PRDM16: variants seen among roughly 807,000 people sequenced by gnomAD.
PRDM16 encodes PR/SET domain 16.
In PRDM16, 23 loss-of-function variants were observed where a neutral mutation model predicts 110.6. The observed-to-expected ratio is 0.21, with a 90% CI of 0.15 to 0.29. The LOEUF (loss-of-function observed/expected upper bound fraction) is 0.29, where lower values mean the gene tolerates loss of function less well. Among genes scored for constraint, PRDM16 ranks in the 10% least tolerant of loss-of-function variants. PRDM16 has a pLI of 1.00. For synonymous variants in PRDM16, 799 were observed against 781.8 expected (o/e 1.02, Z -0.37); for missense variants, 1,615 against 1,794.3 (o/e 0.90, Z 1.81).
intron 1 of PRDM16, among the ~76,000 whole-genome samples, chr1:3,177,739 C>T (rs1644106143): frequency 6.6e-6 from 1 of 152,250 alleles, no homozygotes; most frequent in Non-Finnish European, 1.5e-5. Context: ...CATGTTTCCT[C>T]ACAGTCTTGG....
At chr1:3,092,385 C>T (rs868553327) in intron 1 of PRDM16, among the ~76,000 whole-genome samples, 3 of 152,192 alleles carry the variant, frequency 2.0e-5, no homozygotes, top group Admixed American at 1.3e-4. Context: ...ATCCTTAAAG[C>T]CTTTTCCTCA....
chr1:3,249,730 G>A (rs568366483), intron 3 of PRDM16, among the ~76,000 whole-genome samples: 5 of 152,280 alleles, frequency 3.3e-5, no homozygotes, highest in Non-Finnish European at 5.9e-5. Context: ...GCAGTAAGCC[G>A]CGGACAAAAG....
At chr1:3,231,855 G>A (rs370556747) in intron 2 of PRDM16, among the ~76,000 whole-genome samples, 22 of 152,298 alleles carry the variant, frequency 1.4e-4, no homozygotes, top group African/African-American at 5.1e-4. Context: ...CACTAACTCC[G>A]CCCCAAGAGA....
chr1:3,348,060 G>A (rs561164824), intron 3 of PRDM16, among the ~76,000 whole-genome samples: 2 of 152,302 alleles, frequency 1.3e-5, no homozygotes, highest in East Asian at 1.9e-4. Flanking sequence ...CATGCCTCTG[G>A]TCGGAGCACG....
chr1:3,377,851 G>A (rs551800265), intron 3 of PRDM16, among the ~76,000 whole-genome samples: 4 of 152,144 alleles, frequency 2.6e-5, no homozygotes, highest in Non-Finnish European at 5.9e-5. Flanking sequence ...GTGAGCCCGG[G>A]TTGGTCACTT....
Position 3,370,814 on chromosome 1 carries a change from A to C in PRDM16, c.439-14338A>C, listed in dbSNP as rs948234059. Reference sequence around the variant, plus strand: ...CCATCCATCCATCCACTCATTTATTAATCCATCCACCATCTATTCATCCAT... The same window carrying C: ...CCATCCATCCATCCACTCATTTATTCATCCATCCACCATCTATTCATCCAT... On this transcript the variant is annotated intron_variant, in intron 3 of 16. Coordinates refer to ENST00000270722, the MANE Select transcript of PRDM16 (RefSeq NM_022114.4). The surrounding 1 kb of genome is among the most constrained non-coding windows in gnomAD (Gnocchi z 4.8). Among the ~76,000 whole-genome samples the C allele has an allele frequency of 6.6e-6, 1 of 151,764 alleles. No homozygotes were observed. Among genetic ancestry groups the C allele is most frequent in the Non-Finnish European group, 1.5e-5 (1 of 67,902 alleles).
At position 3,110,089 on chromosome 1, in the gene PRDM16, A is replaced by T. The variant is rs561563773; in HGVS notation, c.37+40793A>T. Among the ~76,000 whole-genome samples the T allele has an allele frequency of 1.1e-4, 15 of 141,352 alleles. No individual in the cohort carries two copies. The East Asian group carries it at 3.2e-3, about 30-fold the overall frequency. The allele number at this position is 141,352 out of a possible 152,430, so 92.7% of individuals were successfully genotyped here. A position where few individuals can be genotyped will look rare whatever the true frequency, so the allele number is the denominator to read the frequency against. ...GCTCCCCTCTGTCCTGGGTGTGGGG[A>T]CACAGTGGCTGTGGCTCCCCCATGT... On this transcript the variant is annotated intron_variant, in intron 1 of 16. Coordinates refer to ENST00000270722, the MANE Select transcript of PRDM16 (RefSeq NM_022114.4).
At chr1:3,072,129 G>A (rs1204101566) in intron 1 of PRDM16, among the ~76,000 whole-genome samples, 4 of 152,044 alleles carry the variant, frequency 2.6e-5, no homozygotes, top group African/African-American at 7.2e-5. Flanking sequence ...CAGGGACAGG[G>A]TCCCCCCTAC....
chr1:3,321,372 AT>A (rs1322545177), intron 3 of PRDM16, among the ~76,000 whole-genome samples: 2 of 128,680 alleles, frequency 1.6e-5, no homozygotes, highest in Non-Finnish European at 3.2e-5. Context: ...GACTATGTGC[AT>A]TTGTGTGTGG....
chr1:3,127,256 G>A (rs538843930), intron 1 of PRDM16, among the ~76,000 whole-genome samples: 50 of 152,344 alleles, frequency 3.3e-4, no homozygotes, highest in African/African-American at 1.1e-3. Flanking sequence ...AGCCTGTTAC[G>A]ATTTGGCATC....
At position 3,353,107 on chromosome 1, in the gene PRDM16, G is replaced by A. The variant is rs2100542253; in HGVS notation, c.439-32045G>A. Reference sequence around the variant, plus strand: ...GAGGCTGCAGCCGCACACCCGAAGAGCTCGAAAGCTGGCCCCCAGCCCAGA... The same window carrying A: ...GAGGCTGCAGCCGCACACCCGAAGAACTCGAAAGCTGGCCCCCAGCCCAGA... On this transcript the variant is annotated intron_variant, in intron 3 of 16. Transcript: ENST00000270722. This position sits in a 1 kb window ranked among gnomAD's most constrained non-coding sequence, Gnocchi z 5.4. Among the ~76,000 whole-genome samples the A allele has an allele frequency of 6.6e-6, 1 of 152,318 alleles. No individual in the cohort carries two copies. The highest frequency in any genetic ancestry group is 2.4e-5 in the African/African-American group (1 of 41,578).
intron 4 of PRDM16, among the ~76,000 whole-genome samples, chr1:3,395,635 C>A (rs886410505): frequency 5.9e-5 from 9 of 152,202 alleles, no homozygotes; most frequent in African/African-American, 9.6e-5. Flanking sequence ...CTTGTGCTGG[C>A]GGCATGGCCC....
chr1:3,399,120 C>G (rs1030416860), intron 5 of PRDM16, among the ~76,000 whole-genome samples: 2 of 152,222 alleles, frequency 1.3e-5, no homozygotes, highest in Non-Finnish European at 2.9e-5. Context: ...GGAAAGAATT[C>G]TCTTTCGTGA....
Position 3,144,414 on chromosome 1 carries a change from A to C in PRDM16, c.38-41711A>C, listed in dbSNP as rs563463658. Among the ~76,000 whole-genome samples the C allele has an allele frequency of 2.2e-4, 33 of 152,316 alleles. No individual in the cohort carries two copies. In the South Asian group the frequency reaches 3.5e-3, roughly 16 times the overall value. ...ACAGTCCCTGACTCACAGATCCCAC[A>C]GTTCCCTCCAAATGGTCAGGGTCAT... On this transcript the variant is annotated intron_variant, in intron 1 of 16. Coordinates refer to ENST00000270722, the MANE Select transcript of PRDM16 (RefSeq NM_022114.4).
intron 3 of PRDM16, among the ~76,000 whole-genome samples, chr1:3,321,363 A>C (rs1641739425): frequency 6.9e-6 from 1 of 145,586 alleles, no homozygotes; most frequent in African/African-American, 2.6e-5. Context: ...TCTGTGTGTG[A>C]CTATGTGCAT....
intron 3 of PRDM16, among the ~76,000 whole-genome samples, chr1:3,249,998 G>C (rs945420430): frequency 6.6e-6 from 1 of 152,174 alleles, no homozygotes; most frequent in South Asian, 2.1e-4. Flanking sequence ...GCAGAAAGTC[G>C]GAAAGCACCG....
intron 3 of PRDM16, among the ~76,000 whole-genome samples, chr1:3,297,618 T>C (rs1420733943): frequency 9.2e-5 from 14 of 152,036 alleles, no homozygotes; most frequent in Non-Finnish European, 1.9e-4. Context: ...AGGGTGGCTT[T>C]ATAGCAGGCA....
At chr1:3,354,446 C>T (rs1030229913) in intron 3 of PRDM16, among the ~76,000 whole-genome samples, 58 of 130,942 alleles carry the variant, frequency 4.4e-4, no homozygotes, top group African/African-American at 1.3e-3. Context: ...GGTGACAGGG[C>T]GAGACTCTGC....
intron 2 of PRDM16, among the ~76,000 whole-genome samples, chr1:3,199,413 T>C (rs1276802944): frequency 6.6e-6 from 1 of 152,160 alleles, no homozygotes; most frequent in Non-Finnish European, 1.5e-5. Flanking sequence ...CCAGTGGGGC[T>C]CTGCTGAGCT....
Sources: allele counts gnomAD v4.1 joint callset (sites outside exome capture counted in the v4.1 genomes callset), GRCh38; gene constraint gnomAD v4.1.1; non-coding constraint Gnocchi (gnomAD v3.1); transcripts MANE v1.5; gene names NCBI Gene and HGNC (gene_info 2026-07-23, HGNC 2026-07-21).